Variants in CFAP299 observed in about 807,000 individuals in gnomAD.
CFAP299 encodes the protein cilia and flagella associated protein 299.
A neutral mutation model predicts 27.0 loss-of-function variants in CFAP299; 21 were observed. That is an observed-to-expected ratio of 0.78 (90% CI 0.55 to 1.12). CFAP299 has a LOEUF of 1.12. CFAP299 is among the 50% of genes most tolerant of loss of function. CFAP299 has a pLI of 0.00. For missense variants in CFAP299, 310 were observed against 276.6 expected, an observed-to-expected ratio of 1.12 and a Z score of -0.86; for synonymous variants, 104 against 98.1, an observed-to-expected ratio of 1.06 and a Z score of -0.36.
At chr4:80,415,394 C>T (rs1447024307) in intron 2 of CFAP299, among the ~76,000 whole-genome samples, 2 of 152,134 alleles carry the variant, frequency 1.3e-5, no homozygotes, top group African/African-American at 4.8e-5. Context: ...TTCATTGCTT[C>T]TTGTACAGTG....
intron 3 of CFAP299, among the ~76,000 whole-genome samples, chr4:80,704,078 G>T (rs999210437): frequency 1.3e-5 from 2 of 151,612 alleles, no homozygotes; most frequent in Admixed American, 6.6e-5. Flanking sequence ...AGAGAAGATT[G>T]TATCATCTGG....
At chr4:80,852,492 A>G (rs999151341) in intron 3 of CFAP299, among the ~76,000 whole-genome samples, 2 of 152,214 alleles carry the variant, frequency 1.3e-5, no homozygotes, top group African/African-American at 4.8e-5. Context: ...AGATAAATCA[A>G]AAAGAGAAGT....
intron 3 of CFAP299, among the ~76,000 whole-genome samples, chr4:80,861,013 G>A (rs1732305541): frequency 6.6e-6 from 1 of 152,236 alleles, no homozygotes; most frequent in South Asian, 2.1e-4. Context: ...TGCCCCCAGA[G>A]GTGGAGCCTA....
chr4:80,457,555 C>T (rs1729228444), intron 2 of CFAP299, among the ~76,000 whole-genome samples: 1 of 152,170 alleles, frequency 6.6e-6, no homozygotes, highest in Non-Finnish European at 1.5e-5. Context: ...ATACTTTCAT[C>T]TCTCTCATTC....
At chr4:80,919,490 A>G (rs190244334) in intron 4 of CFAP299, among the ~76,000 whole-genome samples, 66 of 152,270 alleles carry the variant, frequency 4.3e-4, no homozygotes, top group African/African-American at 1.6e-3. Flanking sequence ...AATGTTTTTC[A>G]TTTGGAACTC....
intron 2 of CFAP299, among the ~76,000 whole-genome samples, chr4:80,426,516 T>A (rs1164238904): frequency 6.6e-6 from 1 of 152,210 alleles, no homozygotes; most frequent in African/African-American, 2.4e-5. Context: ...GATTCAGCAT[T>A]GCTGGTTTGA....
chr4:80,733,882 G>T (rs1723692488), intron 3 of CFAP299, among the ~76,000 whole-genome samples: 1 of 152,068 alleles, frequency 6.6e-6, no homozygotes, highest in Non-Finnish European at 1.5e-5. Context: ...GGACACTTAG[G>T]TTGCTTCCAA....
intron 5 of CFAP299, among the ~76,000 whole-genome samples, chr4:80,949,726 C>T (rs1431866328): frequency 6.6e-6 from 1 of 151,948 alleles, no homozygotes; most frequent in Non-Finnish European, 1.5e-5. Flanking sequence ...TTCAATTTGG[C>T]TTCTGCGTTG....
chr4:80,384,331 A>C (rs1724859918), intron 2 of CFAP299, among the ~76,000 whole-genome samples: 1 of 152,182 alleles, frequency 6.6e-6, no homozygotes, highest in South Asian at 2.1e-4. Flanking sequence ...CTGAGAATTA[A>C]AAACAAAATT....
chr4:80,948,612 C>T (rs938560148), intron 5 of CFAP299, among the ~76,000 whole-genome samples: 4 of 151,728 alleles, frequency 2.6e-5, no homozygotes, highest in Non-Finnish European at 4.4e-5. Flanking sequence ...CATAAGTGGT[C>T]TAAAACTGGC....
At chr4:80,409,316 A>C (rs1726593054) in intron 2 of CFAP299, among the ~76,000 whole-genome samples, 2 of 152,124 alleles carry the variant, frequency 1.3e-5, no homozygotes, top group South Asian at 4.1e-4. Flanking sequence ...AAACTAATGC[A>C]GGTGTCAGAA....
chr4:80,741,833 G>A (rs1724290273), intron 3 of CFAP299, among the ~76,000 whole-genome samples: 2 of 152,284 alleles, frequency 1.3e-5, no homozygotes, highest in Middle Eastern at 3.4e-3. Flanking sequence ...TTCAGCCTGT[G>A]GCGGTGAGGC....
chr4:80,583,719 A>G (rs1736289897), intron 3 of CFAP299, among the ~76,000 whole-genome samples: 1 of 151,988 alleles, frequency 6.6e-6, no homozygotes, highest in Non-Finnish European at 1.5e-5. Context: ...GAGAATGCGA[A>G]TATTATTTGG....
At chr4:80,905,733 A>C (rs1204616363) in intron 4 of CFAP299, among the ~76,000 whole-genome samples, 1 of 152,162 alleles carries the variant, frequency 6.6e-6, no homozygotes, top group African/African-American at 2.4e-5. Context: ...GGAAAAAGCC[A>C]CTTATAAAAT....
At chr4:80,564,145 A>T (rs1735169803) in intron 2 of CFAP299, among the ~76,000 whole-genome samples, 1 of 152,060 alleles carries the variant, frequency 6.6e-6, no homozygotes, top group African/African-American at 2.4e-5. Context: ...TATTATAAAA[A>T]ATAGGGGAGG....
intron 2 of CFAP299, among the ~76,000 whole-genome samples, chr4:80,403,386 G>A (rs552791304): frequency 7.7e-4 from 117 of 152,304 alleles, no homozygotes; most frequent in African/African-American, 2.6e-3. Context: ...TGGATTCTAA[G>A]GCTGTTATCC....
At chr4:80,879,800 G>A (rs977387372) in intron 4 of CFAP299, among the ~76,000 whole-genome samples, 9 of 152,032 alleles carry the variant, frequency 5.9e-5, no homozygotes, top group African/African-American at 7.3e-5. Context: ...AAAGTTGTTC[G>A]GCTTCTCTAG....
chr4:80,784,050 G>A (rs138063814), intron 3 of CFAP299, among the ~76,000 whole-genome samples: 2 of 152,094 alleles, frequency 1.3e-5, no homozygotes, highest in African/African-American at 4.8e-5. Flanking sequence ...GTTCGTCCCT[G>A]TTGGGGCAAA....
In CFAP299 at chr4:80,356,979, A is replaced by T. The variant is rs560777169; in HGVS notation, c.112-5775A>T. Among the ~76,000 whole-genome samples the T allele has an allele frequency of 5.5e-4, 83 of 152,258 alleles. 1 individual carries two copies. The highest frequency in any genetic ancestry group is 2.0e-3 in the African/African-American group (81 of 41,538). Reference sequence around the variant, plus strand: ...ATGATATTGGCTGTGGGTTTGTCATAAATGGATTTTATTGTTTCAAGGTAT... The same window carrying T: ...ATGATATTGGCTGTGGGTTTGTCATTAATGGATTTTATTGTTTCAAGGTAT... On this transcript the variant is annotated intron_variant, in intron 1 of 5. Transcript: ENST00000358105.
Sources: allele counts gnomAD v4.1 joint callset (sites outside exome capture counted in the v4.1 genomes callset), GRCh38; gene constraint gnomAD v4.1.1; transcripts MANE v1.5; gene names NCBI Gene and HGNC (gene_info 2026-07-23, HGNC 2026-07-21).